DSCAM: variants seen among roughly 807,000 people sequenced by gnomAD.
DSCAM encodes DS cell adhesion molecule.
A neutral mutation model predicts 217.7 loss-of-function variants in DSCAM; 47 were observed. The ratio of observed to expected loss-of-function variants is 0.22; its 90% CI spans 0.17 to 0.28. DSCAM has a LOEUF of 0.28. DSCAM is among the 10% of genes least tolerant of loss of function. DSCAM has a pLI of 1.00. For synonymous variants in DSCAM, 1,056 were observed against 1,015.3 expected (o/e 1.04, Z -0.76); for missense variants, 2,080 against 2,618.3 (o/e 0.79, Z 4.49).
At chr21:40,573,027 C>A (rs58722028) in intron 3 of DSCAM, among the ~76,000 whole-genome samples, 1 of 152,122 alleles carries the variant, frequency 6.6e-6, no homozygotes, top group Non-Finnish European at 1.5e-5. Flanking sequence ...CCCAGCAAAT[C>A]ATAATGATAA....
intron 11 of DSCAM, among the ~76,000 whole-genome samples, chr21:40,224,665 A>C (rs747942495): frequency 6.6e-6 from 1 of 152,238 alleles, no homozygotes; most frequent in Non-Finnish European, 1.5e-5. Context: ...ATTGGCAATA[A>C]ATGACATCTT....
At chr21:40,443,111 A>G (rs1275698103) in intron 3 of DSCAM, among the ~76,000 whole-genome samples, 1 of 152,214 alleles carries the variant, frequency 6.6e-6, no homozygotes, top group Non-Finnish European at 1.5e-5. Context: ...CGTGTTGATA[A>G]AAATCTATAT....
In DSCAM at chr21:40,012,575, C is replaced by T. The variant is rs533395870; in HGVS notation, c.*459G>A. The T allele has an allele frequency of 6.6e-6, 1 of 152,266 alleles. No homozygotes were observed. The highest frequency in any genetic ancestry group is 1.9e-4 in the East Asian group (1 of 5,168). The allele number at this position is 152,266 out of a possible 1,614,324, so 9.4% of individuals were successfully genotyped here. A position where few individuals can be genotyped will look rare whatever the true frequency, so the allele number is the denominator to read the frequency against. Reference sequence around the variant, plus strand: ...CAACAAAAGAAGACCAAATTGAGAACCCGGTTTCTAATGGGAAAGAAAGGT... The same window carrying T: ...CAACAAAAGAAGACCAAATTGAGAATCCGGTTTCTAATGGGAAAGAAAGGT... On this transcript the variant is annotated 3_prime_UTR_variant, in exon 33 of 33. Transcript: ENST00000400454.
At chr21:40,548,501 A>G (rs2146149583) in intron 3 of DSCAM, among the ~76,000 whole-genome samples, 1 of 81,522 alleles carries the variant, frequency 1.2e-5, no homozygotes, top group African/African-American at 5.4e-5. Context: ...AAAATAAACC[A>G]GTAAAAAAAA....
intron 3 of DSCAM, among the ~76,000 whole-genome samples, chr21:40,580,709 G>C (rs1340470124): frequency 6.6e-6 from 1 of 152,186 alleles, no homozygotes; most frequent in East Asian, 1.9e-4. Flanking sequence ...GGAAAGGCGG[G>C]TGGGCTGGAA....
At chr21:40,531,928 C>A (rs545504143) in intron 3 of DSCAM, among the ~76,000 whole-genome samples, 14 of 152,186 alleles carry the variant, frequency 9.2e-5, no homozygotes, top group Non-Finnish European at 1.8e-4. Flanking sequence ...GGGGAGGACA[C>A]ACAGTGGGTC....
chr21:40,333,363 TGATCGATC>T (rs1043360023), intron 8 of DSCAM, among the ~76,000 whole-genome samples: 3 of 152,332 alleles, frequency 2.0e-5, no homozygotes, highest in East Asian at 3.9e-4. Flanking sequence ...AACATTTTAC[TGATCGATC>T]GATTGATTGA....
chr21:40,369,009 T>G, intron 4 of DSCAM, 90 bp downstream of exon 4: 4 of 1,380,976 alleles, frequency 2.9e-6, no homozygotes, highest in Non-Finnish European at 3.8e-6. Context: ...TCCATTTTAG[T>G]GGCAACACTC....
intron 3 of DSCAM, among the ~76,000 whole-genome samples, chr21:40,527,772 G>A (rs1568879769): frequency 6.6e-6 from 1 of 152,226 alleles, no homozygotes; most frequent in Non-Finnish European, 1.5e-5. Context: ...TGTTTCTGCT[G>A]TCATTGCTAC....
intron 1 of DSCAM, among the ~76,000 whole-genome samples, chr21:40,726,599 CAG>C (rs1429441335): frequency 2.0e-5 from 3 of 151,740 alleles, no homozygotes; most frequent in South Asian, 2.1e-4. Flanking sequence ...AGTGTGTTTC[CAG>C]AGAGTTTGTC....
intron 20 of DSCAM, among the ~76,000 whole-genome samples, chr21:40,102,128 C>A (rs945592462): frequency 1.3e-5 from 2 of 152,110 alleles, no homozygotes; most frequent in African/African-American, 2.4e-5. Context: ...GAAGTCTGAC[C>A]AATTCCTACT....
chr21:40,624,445 T>C (rs905286223), intron 3 of DSCAM, among the ~76,000 whole-genome samples: 1 of 152,164 alleles, frequency 6.6e-6, no homozygotes, highest in African/African-American at 2.4e-5. Context: ...AGACTTTCCA[T>C]GTTTTGGCCA....
rs535348287 is a variant in DSCAM at position 40,594,889 on chromosome 21, G to C, written c.508+97921C>G. ...CATATGCTAAAGAGATATCGCTTGA[G>C]AATGTTTCATGCTCTTGAGCCCAAT... On this transcript the variant is annotated intron_variant, in intron 3 of 32. Coordinates refer to ENST00000400454, the MANE Select transcript of DSCAM (RefSeq NM_001389.5). Among the ~76,000 whole-genome samples the C allele has an allele frequency of 4.6e-5, 7 of 152,272 alleles. No individual in the cohort carries two copies. In the East Asian group the frequency reaches 1.4e-3, roughly 30 times the overall value.
intron 8 of DSCAM, among the ~76,000 whole-genome samples, chr21:40,330,472 A>G (rs2074366866): frequency 6.7e-6 from 1 of 150,078 alleles, no homozygotes; most frequent in East Asian, 1.9e-4. Context: ...TTTCCCTCCA[A>G]TTAGGGTAAA....
At chr21:40,228,881 A>C (rs1167071964) in intron 11 of DSCAM, among the ~76,000 whole-genome samples, 1 of 152,136 alleles carries the variant, frequency 6.6e-6, no homozygotes, top group Non-Finnish European at 1.5e-5. Flanking sequence ...CAGAAAAAAA[A>C]ATGTGTGTAT....
chr21:40,395,377 G>T (rs2075169812), intron 3 of DSCAM, among the ~76,000 whole-genome samples: 1 of 149,234 alleles, frequency 6.7e-6, no homozygotes. Context: ...GAGTCTCTTT[G>T]GTATCCAGCT....
intron 3 of DSCAM, among the ~76,000 whole-genome samples, chr21:40,566,170 T>C (rs2076762857): frequency 6.6e-6 from 1 of 152,088 alleles, no homozygotes; most frequent in Admixed American, 6.6e-5. Context: ...TGTAAGCATG[T>C]GCTTTGGGAG....
chr21:40,578,575 A>C (rs1235184617), intron 3 of DSCAM, among the ~76,000 whole-genome samples: 7 of 152,172 alleles, frequency 4.6e-5, no homozygotes, highest in African/African-American at 1.7e-4. Context: ...TGGCCACTGG[A>C]GCCAGCAGCA....
In DSCAM at chr21:40,013,232, C is replaced by T. The variant is rs754261783; in HGVS notation, c.5841G>A (p.Pro1947=). 3 of 1,613,726 alleles carry T rather than the reference C, an allele frequency of 1.9e-6. No individual in the cohort carries two copies. The highest frequency in any genetic ancestry group is 1.3e-5 in the African/African-American group (1 of 74,926). Residue 1947 remains proline (P), a synonymous_variant, in exon 33 of 33, where the codon CCG becomes CCA. Transcript: ENST00000400454. The stretch of plus-strand genomic sequence containing the variant: ...AGGAGGCGGAGGAGGCGGCTTCCAT[C>T]GGGATGGGCTCCAGGACCGTGGGGC... ...LKRPTVLEPI[P]MEAASSASST...
Sources: allele counts gnomAD v4.1 joint callset (sites outside exome capture counted in the v4.1 genomes callset), GRCh38; gene constraint gnomAD v4.1.1; transcripts MANE v1.5; gene names NCBI Gene and HGNC (gene_info 2026-07-23, HGNC 2026-07-21).